Variants in EHMT1 observed in about 807,000 individuals in gnomAD.
EHMT1 encodes the protein euchromatic histone lysine methyltransferase 1.
Under a neutral mutation model 147.2 loss-of-function variants are expected in EHMT1, and 15 were observed. That is an observed-to-expected ratio of 0.10 (90% CI 0.07 to 0.16). The LOEUF (loss-of-function observed/expected upper bound fraction) is 0.16. Among genes scored for constraint, EHMT1 ranks in the 10% least tolerant of loss-of-function variants. The pLI is 1.00. For synonymous variants in EHMT1, 795 were observed against 709.6 expected, an observed-to-expected ratio of 1.12 and a Z score of -1.91; for missense variants, 1,587 against 1,772.4, an observed-to-expected ratio of 0.90 and a Z score of 1.88.
chr9:137,754,866 A>C (rs913861593), intron 8 of EHMT1, among the ~76,000 whole-genome samples: 23 of 152,190 alleles, frequency 1.5e-4, no homozygotes, highest in African/African-American at 4.8e-4. Context: ...TGCTGCCCGC[A>C]TGGGTGACTG....
intron 19 of EHMT1, 102 bp from the exon 20 acceptor site, chr9:137,812,904 T>C (rs1026701045): frequency 6.8e-7 from 1 of 1,477,140 alleles, no homozygotes; most frequent in African/African-American, 1.4e-5. Context: ...GTGAATAGTG[T>C]TCCCTTTATT....
intron 7 of EHMT1, 81 bp downstream of exon 7, chr9:137,752,489 A>G: frequency 6.6e-7 from 1 of 1,518,678 alleles, no homozygotes; most frequent in Non-Finnish European, 9.0e-7. Context: ...TTCTTTACCC[A>G]ACAACCCTTG....
At chr9:137,703,695 T>G (rs1162288672) in intron 1 of EHMT1, among the ~76,000 whole-genome samples, 2 of 152,040 alleles carry the variant, frequency 1.3e-5, no homozygotes, top group Non-Finnish European at 2.9e-5. Context: ...ACTGTCAGCA[T>G]TTTGGTCAAA....
intron 18 of EHMT1, 140 bp downstream of exon 18, chr9:137,801,124 A>T: frequency 1.3e-6 from 1 of 750,420 alleles, no homozygotes; most frequent in Middle Eastern, 2.4e-4. Context: ...TCGGCCCGGC[A>T]CTGTGCTGTG....
At chr9:137,686,431 C>G (rs1372256312) in intron 1 of EHMT1, among the ~76,000 whole-genome samples, 1 of 152,020 alleles carries the variant, frequency 6.6e-6, no homozygotes, top group East Asian at 1.9e-4. Context: ...GCTCAGTCAC[C>G]TAGGCTGGAG....
intron 1 of EHMT1, among the ~76,000 whole-genome samples, chr9:137,693,476 C>G (rs1222910832): frequency 6.6e-6 from 1 of 152,102 alleles, no homozygotes; most frequent in Non-Finnish European, 1.5e-5. Context: ...GGTTACGCAT[C>G]TCATTAATGA....
chr9:137,644,620 C>G (rs754343261), intron 1 of EHMT1, among the ~76,000 whole-genome samples: 2 of 152,014 alleles, frequency 1.3e-5, no homozygotes, highest in South Asian at 2.1e-4. Context: ...GCCACCGGGC[C>G]CGGCCAAAAA....
intron 16 of EHMT1, among the ~76,000 whole-genome samples, chr9:137,796,873 AGACT>A (rs1036373857): frequency 3.8e-4 from 50 of 132,700 alleles, no homozygotes; most frequent in Non-Finnish European, 7.2e-4. Flanking sequence ...CAGGTGGAAA[AGACT>A]GACGGGGCGG....
chr9:137,766,905 C>G (rs762036452), intron 10 of EHMT1, among the ~76,000 whole-genome samples: 1 of 152,138 alleles, frequency 6.6e-6, no homozygotes, highest in Non-Finnish European at 1.5e-5. Flanking sequence ...GCAGCCTCCA[C>G]CTTTGGGGCT....
At position 137,619,059 on chromosome 9, in the gene EHMT1, G is replaced by A. The variant is rs1040872282; in HGVS notation, c.21+10G>A. 1 of 908,168 alleles carries A rather than the reference G, an allele frequency of 1.1e-6. No homozygotes were observed. The highest frequency in any genetic ancestry group is 4.9e-5 in the South Asian group (1 of 20,604). The allele number at this position is 908,168 out of a possible 1,614,324, so 56.3% of individuals were successfully genotyped here. A position where few individuals can be genotyped will look rare whatever the true frequency, so the allele number is the denominator to read the frequency against. On this transcript the variant is annotated intron_variant, in intron 1 of 26. Transcript: ENST00000460843. ...CGCCGCCGATGCCGAGGTGAGCAGCGGGGCCGGCGGGGGGCGGCGCGGGGG... is the reference window on the plus strand; with the variant it reads ...CGCCGCCGATGCCGAGGTGAGCAGCAGGGCCGGCGGGGGGCGGCGCGGGGG...
intron 10 of EHMT1, among the ~76,000 whole-genome samples, chr9:137,767,597 GA>G (rs1433366000): frequency 6.6e-6 from 1 of 152,194 alleles, no homozygotes; most frequent in Admixed American, 6.5e-5. Flanking sequence ...TGGATTGCTT[GA>G]GGTCAGGAGT....
chr9:137,723,435 C>T lies in EHMT1; in HGVS notation c.643-4914C>T, dbSNP rs569888533. 2.3e-5 allele frequency among the ~76,000 whole-genome samples: 3 copies of T among 133,164 alleles called. No homozygotes were observed. In the East Asian group the frequency reaches 7.1e-4, roughly 32 times the overall value. 87.4% of individuals were successfully genotyped at this position (133,164 alleles called of 152,430 possible). On this transcript the variant is annotated intron_variant, in intron 3 of 26. Transcript: ENST00000460843. ...CTGTGTCTGTGGTTCTGGGCCTGAG[C>T]CCGGGGTGTGCCCTGTGTCTGTGGT...
At position 137,778,127 on chromosome 9, in the gene EHMT1, G is replaced by T; in HGVS notation, c.2192+72G>T. The T allele has an allele frequency of 3.2e-6, 5 of 1,584,228 alleles. No homozygotes were observed. The Admixed American group carries it at 8.4e-5, about 27-fold the overall frequency. On this transcript the variant is annotated intron_variant, in intron 13 of 26. Transcript: ENST00000460843. The stretch of plus-strand genomic sequence containing the variant: ...ATCTGCACCCCGCGTTTTTCCCCAT[G>T]GTGTCACTTTAGCACTTCTCAGCTT...
chr9:137,720,249 A>G (rs1169863879), intron 3 of EHMT1, among the ~76,000 whole-genome samples: 1 of 151,954 alleles, frequency 6.6e-6, no homozygotes, highest in Non-Finnish European at 1.5e-5. Context: ...GTAGCCACCA[A>G]CCAGACCTGA....
intron 8 of EHMT1, among the ~76,000 whole-genome samples, chr9:137,755,597 T>C (rs1239035730): frequency 6.6e-6 from 1 of 152,050 alleles, no homozygotes; most frequent in Non-Finnish European, 1.5e-5. Context: ...TATCTGGGAG[T>C]GGAATGGCTG....
chr9:137,623,629 G>A (rs771341678), intron 1 of EHMT1, among the ~76,000 whole-genome samples: 2 of 151,788 alleles, frequency 1.3e-5, no homozygotes, highest in African/African-American at 2.4e-5. Context: ...ACTTCTTGGC[G>A]AGGCTGCTCC....
chr9:137,756,997 T>C (rs1397958789), intron 8 of EHMT1, among the ~76,000 whole-genome samples: 1 of 152,228 alleles, frequency 6.6e-6, no homozygotes, highest in African/African-American at 2.4e-5. Context: ...TGAAATAAGA[T>C]TGGTGACTAG....
chr9:137,773,899 A>G (rs1398143758), intron 10 of EHMT1, among the ~76,000 whole-genome samples: 1 of 152,190 alleles, frequency 6.6e-6, no homozygotes, highest in African/African-American at 2.4e-5. Flanking sequence ...CTTATTGGCT[A>G]TCAGAGAACT....
At chr9:137,806,774 T>C (rs942387006) in intron 18 of EHMT1, among the ~76,000 whole-genome samples, 1 of 152,234 alleles carries the variant, frequency 6.6e-6, no homozygotes, top group Admixed American at 6.5e-5. Flanking sequence ...TTATTTTGCT[T>C]TCATCTTTGA....
Sources: gnomAD v4.1 joint callset for allele counts (sites outside exome capture counted in the v4.1 genomes callset) on GRCh38, gnomAD v4.1.1 for gene constraint, MANE v1.5 for transcripts, NCBI Gene and HGNC (gene_info 2026-07-23, HGNC 2026-07-21) for gene names.